The following TMEM260 variants were observed in gnomAD, a reference collection of about 807,000 sequenced individuals.
The protein encoded by TMEM260 is protein O-mannosyl-transferase TMEM260.
In TMEM260, 82 loss-of-function variants were observed where a neutral mutation model predicts 88.9. The observed-to-expected ratio is 0.92, with a 90% CI of 0.77 to 1.11. The LOEUF (loss-of-function observed/expected upper bound fraction) is 1.11, where lower values mean the gene tolerates loss of function less well. TMEM260 is among the 50% of genes least tolerant of loss of function. The pLI, the probability that TMEM260 is intolerant of heterozygous loss-of-function variation, is 0.00. For synonymous variants in TMEM260, 314 were observed against 309.3 expected (o/e 1.02, Z -0.16); for missense variants, 902 against 853.4 (o/e 1.06, Z -0.71).
intron 12 of TMEM260, among the ~76,000 whole-genome samples, chr14:56,627,147 C>G (rs1425941918): frequency 6.6e-6 from 1 of 151,406 alleles, no homozygotes; most frequent in Admixed American, 6.6e-5. Context: ...GATAAACATT[C>G]TGCCCCATAA....
chr14:56,610,229 AT>A (rs958602409), intron 6 of TMEM260, among the ~76,000 whole-genome samples: 80 of 148,956 alleles, frequency 5.4e-4, no homozygotes, highest in African/African-American at 1.1e-3. Flanking sequence ...AAAAAAAAGA[AT>A]TTTTTTTTTT....
At chr14:56,616,419 C>T (rs1303799289) in intron 8 of TMEM260, among the ~76,000 whole-genome samples, 3 of 151,988 alleles carry the variant, frequency 2.0e-5, no homozygotes, top group Admixed American at 6.5e-5. Context: ...TTAATTTATT[C>T]ATTTATGATC....
chr14:56,612,983 C>CT (rs1486631942), intron 7 of TMEM260: 1 of 152,036 alleles, frequency 6.6e-6, no homozygotes, highest in East Asian at 1.9e-4. Context: ...TTAGGCTATC[C>CT]TTGCCGTAAG....
chr14:56,608,531 C>A (rs1418226317), intron 5 of TMEM260, among the ~76,000 whole-genome samples: 2 of 152,020 alleles, frequency 1.3e-5, no homozygotes, highest in Non-Finnish European at 2.9e-5. Context: ...AATATTCTAT[C>A]CTATATGTAA....
At chr14:56,583,221 A>G (rs1005230700) in intron 1 of TMEM260, among the ~76,000 whole-genome samples, 4 of 152,220 alleles carry the variant, frequency 2.6e-5, no homozygotes, top group African/African-American at 9.6e-5. Flanking sequence ...TACAGTAGTT[A>G]ACAAAGGGAA....
At chr14:56,633,912 GATTAT>G in intron 13 of TMEM260, among the ~76,000 whole-genome samples, 1 of 152,192 alleles carries the variant, frequency 6.6e-6, no homozygotes, top group South Asian at 2.1e-4. Context: ...CAACAGACAA[GATTAT>G]ATTTTAAAAT....
the TMEM260 span, among the ~76,000 whole-genome samples, chr14:56,661,221 C>T: frequency 6.6e-6 from 1 of 152,194 alleles, no homozygotes; most frequent in African/African-American, 2.4e-5. Flanking sequence ...TGGTGGTCGC[C>T]ACCCCTCCTC....
At chr14:56,632,956 A>C in intron 12 of TMEM260, 39 bp from the exon 13 acceptor site, 4 of 1,552,312 alleles carry the variant, frequency 2.6e-6, no homozygotes, top group Non-Finnish European at 3.5e-6. Flanking sequence ...TTAAAACTTT[A>C]AATTTTAAGT....
At chr14:56,623,067 C>T (rs1266622203) in intron 11 of TMEM260, among the ~76,000 whole-genome samples, 1 of 152,180 alleles carries the variant, frequency 6.6e-6, no homozygotes, top group Non-Finnish European at 1.5e-5. Context: ...TCTGTCACTT[C>T]CTGGATATGT....
In TMEM260 at chr14:56,612,232, C is replaced by G. The variant is rs1211202422; in HGVS notation, c.817-13C>G. 2 of 1,611,914 alleles carry G rather than the reference C, an allele frequency of 1.2e-6. No homozygotes were observed. The highest frequency in any genetic ancestry group is 1.3e-5 in the African/African-American group (1 of 74,882). ...AATGCTTGTGCAGATAAACTTTTGT[C>G]TTTTGTGTTTAGGCCAAATCTGAAA... On this transcript the variant is annotated splice_polypyrimidine_tract_variant and intron_variant, in intron 6 of 15. Transcript: ENST00000261556.
At chr14:56,641,914 A>G (rs1264793726) in intron 15 of TMEM260, among the ~76,000 whole-genome samples, 1 of 139,602 alleles carries the variant, frequency 7.2e-6, no homozygotes, top group Non-Finnish European at 1.5e-5. Flanking sequence ...AGAGACAAAG[A>G]AGGCCATTAC....
intron 11 of TMEM260, among the ~76,000 whole-genome samples, chr14:56,624,999 T>G (rs998537761): frequency 6.6e-6 from 1 of 152,138 alleles, no homozygotes; most frequent in African/African-American, 2.4e-5. Flanking sequence ...TCACAATAGG[T>G]TCACACTCCT....
chr14:56,659,705 G>A, the TMEM260 span, among the ~76,000 whole-genome samples: 6 of 152,232 alleles, frequency 3.9e-5, no homozygotes, highest in Non-Finnish European at 5.9e-5. Context: ...CAGCCACTAC[G>A]GAGAAGAGGG....
At chr14:56,610,291 A>G (rs1474653627) in intron 6 of TMEM260, among the ~76,000 whole-genome samples, 17 of 152,000 alleles carry the variant, frequency 1.1e-4, no homozygotes, top group African/African-American at 3.9e-4. Context: ...CCCAGGTTGG[A>G]GTGCAGTGGC....
At chr14:56,616,496 A>G (rs1041643441) in intron 8 of TMEM260, among the ~76,000 whole-genome samples, 10 of 152,018 alleles carry the variant, frequency 6.6e-5, no homozygotes, top group African/African-American at 2.2e-4. Flanking sequence ...TGTTTACTTG[A>G]CACAAACATT....
intron 5 of TMEM260, among the ~76,000 whole-genome samples, chr14:56,608,847 T>A (rs1887073175): frequency 2.0e-5 from 3 of 152,198 alleles, no homozygotes; most frequent in African/African-American, 7.2e-5. Context: ...GCAATAAACA[T>A]GATACTCATG....
At chr14:56,609,361 A>G in intron 6 of TMEM260, 76 bp downstream of exon 6, 2 of 1,371,950 alleles carry the variant, frequency 1.5e-6, no homozygotes, top group Non-Finnish European at 2.0e-6. Context: ...TTGATTAAAA[A>G]AACAATATTT....
intron 3 of TMEM260, among the ~76,000 whole-genome samples, chr14:56,590,764 A>G (rs1253179475): frequency 2.0e-5 from 3 of 152,216 alleles, no homozygotes; most frequent in African/African-American, 7.2e-5. Context: ...TCTCCACTCA[A>G]TTTCAGATAC....
downstream of TMEM260, among the ~76,000 whole-genome samples, chr14:56,652,447 G>A (rs1013939336): frequency 3.4e-5 from 5 of 146,706 alleles, no homozygotes; most frequent in Non-Finnish European, 5.9e-5. Context: ...GAGGTGAGCT[G>A]TGATTGCACC....
Sources: allele counts gnomAD v4.1 joint callset (sites outside exome capture counted in the v4.1 genomes callset), GRCh38; gene constraint gnomAD v4.1.1; transcripts MANE v1.5; gene names NCBI Gene and HGNC (gene_info 2026-07-23, HGNC 2026-07-21).